The following DNAH8 variants were observed in gnomAD, a reference collection of about 807,000 sequenced individuals.
DNAH8 encodes the protein axonemal beta dynein heavy chain 8.
DNAH8 carries 382 observed loss-of-function variants against 562.1 expected under a neutral mutation model. The observed-to-expected ratio is 0.68, with a 90% CI of 0.63 to 0.74. DNAH8 has a LOEUF of 0.74. Ranked by LOEUF, DNAH8 falls within the 30% of genes least tolerant of loss-of-function variation. The pLI, the probability that DNAH8 is intolerant of heterozygous loss-of-function variation, is 0.00. For synonymous variants in DNAH8, 1,881 were observed against 1,919.4 expected (o/e 0.98, Z 0.52); for missense variants, 5,203 against 5,620.4 (o/e 0.93, Z 2.37).
chr6:39,009,088 T>G (rs752779390), intron 89 of DNAH8, 118 bp downstream of exon 89: 105 of 670,732 alleles, frequency 1.6e-4, no homozygotes, highest in Non-Finnish European at 2.4e-4. Context: ...AGATTACCTG[T>G]GTGAAAAATT....
chr6:38,813,336 C>T (rs1176371762), intron 24 of DNAH8, among the ~76,000 whole-genome samples: 1 of 152,104 alleles, frequency 6.6e-6, no homozygotes, highest in East Asian at 1.9e-4. Flanking sequence ...GAACCATTGG[C>T]CCTGAGTGCT....
intron 70 of DNAH8, among the ~76,000 whole-genome samples, chr6:38,920,734 C>A (rs1050299503): frequency 6.6e-6 from 1 of 151,944 alleles, no homozygotes; most frequent in Non-Finnish European, 1.5e-5. Flanking sequence ...GGACTTGGGA[C>A]CTTCATAAAA....
chr6:38,865,531 A>G (rs1440647145), intron 45 of DNAH8, among the ~76,000 whole-genome samples: 1 of 152,182 alleles, frequency 6.6e-6, no homozygotes, highest in Admixed American at 6.5e-5. Flanking sequence ...TTATGGTTCT[A>G]CTCCATCATG....
In DNAH8 at chr6:38,826,145, GTCT is replaced by G; in HGVS notation, c.3848-8_3848-6del. 2 of 1,553,318 alleles carry G rather than the reference GTCT, an allele frequency of 1.3e-6. No homozygotes were observed. Among genetic ancestry groups the G allele is most frequent in the South Asian group, 2.4e-5 (2 of 83,770 alleles). On this transcript the variant is annotated splice_polypyrimidine_tract_variant and splice_region_variant and intron_variant, in intron 28 of 92. Transcript: ENST00000327475. ...TTATATTCTAATTTAATTTCTTCTTGTCTTCATCAGAGCCGATGAAATTGGCCT... is the reference window on the plus strand; with the variant it reads ...TTATATTCTAATTTAATTTCTTCTTGTCATCAGAGCCGATGAAATTGGCCT...
chr6:38,926,705 A>C (rs1034828792), intron 74 of DNAH8, among the ~76,000 whole-genome samples: 1 of 152,154 alleles, frequency 6.6e-6, no homozygotes, highest in South Asian at 2.1e-4. Context: ...TTTTAATTCA[A>C]CTACCAATGT....
chr6:38,838,408 T>TACTCCATTTGTGGTAAAATGCTC (rs1256194305), intron 33 of DNAH8, among the ~76,000 whole-genome samples: 1 of 117,850 alleles, frequency 8.5e-6, no homozygotes, highest in African/African-American at 2.8e-5. Context: ...CTTGCCTTCT[T>TACTCCATTTGTGGTAAAATGCTC]TTTTTTTTGA....
chr6:38,853,308 A>T lies in DNAH8; in HGVS notation c.5694A>T (p.Gly1898=). The change falls in exon 41 of 93, where the codon GGA becomes GGT. Residue 1898 remains glycine, a synonymous_variant. Transcript: ENST00000327475. ...CTTTCTATCAAATCAGTGATTCAGGATTTCAACTCTTACCATTCCTCAGCC... is the reference window on the plus strand; with the variant it reads ...CTTTCTATCAAATCAGTGATTCAGGTTTTCAACTCTTACCATTCCTCAGCC... ...RSAFYQISDS[G]FQLLPFLSHF... 1.2e-6 allele frequency: 2 copies of T among 1,613,524 alleles called. No individual in the cohort carries two copies. The highest frequency in any genetic ancestry group is 1.7e-6 in the Non-Finnish European group (2 of 1,179,814).
intron 26 of DNAH8, chr6:38,822,501 C>T (rs552512384): frequency 4.4e-5 from 8 of 179,818 alleles, no homozygotes; most frequent in African/African-American, 7.1e-5. Context: ...TGAACCACTG[C>T]GCTATTCCTC....
rs569071768 is a variant in DNAH8, at chr6:38,906,875, T to C, written c.9348+468T>C. Among the ~76,000 whole-genome samples the C allele has an allele frequency of 1.4e-3, 219 of 152,272 alleles. 2 individuals are homozygous for C. Among genetic ancestry groups the C allele is most frequent in the African/African-American group, 4.8e-3 (200 of 41,564 alleles). On this transcript the variant is annotated intron_variant, in intron 63 of 92. Transcript: ENST00000327475. ...GTCGAGCTTCTCAAATCCAAAACTC[T>C]GGAATCCAAAATGCTCCAAAATCTG... is the stretch of plus-strand genomic sequence containing the variant.
At chr6:38,725,639 T>G (rs1160256521) in intron 3 of DNAH8, among the ~76,000 whole-genome samples, 2 of 152,160 alleles carry the variant, frequency 1.3e-5, no homozygotes, top group African/African-American at 2.4e-5. Context: ...GTTTCCCAGG[T>G]CACCAAAGTT....
chr6:38,907,266 G>A (rs1780549410), intron 63 of DNAH8, among the ~76,000 whole-genome samples: 1 of 152,196 alleles, frequency 6.6e-6, no homozygotes, highest in Non-Finnish European at 1.5e-5. Context: ...CCAGTATGAA[G>A]GGCAGTAACA....
At position 38,902,154 on chromosome 6, in the gene DNAH8, T is replaced by C. The variant is rs186322901; in HGVS notation, c.9194+2248T>C. 2.1e-4 allele frequency among the ~76,000 whole-genome samples: 32 copies of C among 152,328 alleles called. No individual in the cohort carries two copies. The East Asian group carries it at 5.2e-3, about 25-fold the overall frequency. On this transcript the variant is annotated intron_variant, in intron 62 of 92. Transcript: ENST00000327475. ...CTTAAATTAAGGCAAATTTATTCAC[T>C]ATATTTTCTTAATTTCTGTATTCTT...
chr6:39,007,560 C>T (rs536735649), intron 88 of DNAH8, among the ~76,000 whole-genome samples: 2 of 152,170 alleles, frequency 1.3e-5, no homozygotes, highest in African/African-American at 4.8e-5. Context: ...CCATGTCACA[C>T]CTGGCTAGGG....
chr6:38,823,890 T>C (rs1393687435), intron 28 of DNAH8, among the ~76,000 whole-genome samples: 1 of 152,110 alleles, frequency 6.6e-6, no homozygotes, highest in Admixed American at 6.5e-5. Context: ...TGGCAAAAAC[T>C]GCAATTACTT....
chr6:38,864,653 T>G (rs76214473), intron 45 of DNAH8, among the ~76,000 whole-genome samples: 1 of 151,912 alleles, frequency 6.6e-6, no homozygotes, highest in Non-Finnish European at 1.5e-5. Flanking sequence ...TCCTAAGACA[T>G]TGGCTAAAGC....
chr6:38,955,323 A>G (rs1762172404), intron 82 of DNAH8, among the ~76,000 whole-genome samples: 1 of 152,010 alleles, frequency 6.6e-6, no homozygotes, highest in Non-Finnish European at 1.5e-5. Flanking sequence ...CGACCCAGAT[A>G]GTAACTGCAT....
rs1008275320 is a variant in DNAH8 at position 38,737,116 on chromosome 6, T to C, written c.812T>C (p.Ile271Thr). The C allele has an allele frequency of 6.3e-7, 1 of 1,580,644 alleles. No homozygotes were observed. The highest frequency in any genetic ancestry group is 1.2e-5 in the South Asian group (1 of 84,328). Residue 271 changes from isoleucine (I) to threonine (T), a missense_variant, in exon 6 of 93, where the codon ATT (isoleucine) becomes ACT (threonine). By Grantham distance (89) the Ile-to-Thr change is moderately conservative. This residue lies in a region of DNAH8 where 556 missense variants were observed against 496.9 expected (regional missense o/e 1.12). Coordinates refer to ENST00000327475, the MANE Select transcript of DNAH8 (RefSeq NM_001206927.2). ...LDASKGLLNG[I>T]RDMLANIFLP... ...GCGTCGAAAGGACTCTTAAATGGAA[T>C]TAGGGATATGTTGGCAAATATATTT...
chr6:38,911,395 A>C, intron 65 of DNAH8, 73 bp from the exon 66 acceptor site: 1 of 1,087,040 alleles, frequency 9.2e-7, no homozygotes, highest in Non-Finnish European at 1.4e-6. Flanking sequence ...CACTGATTTC[A>C]CCTTGGGAAA....
At chr6:38,885,000 A>G (rs1391708987) in intron 56 of DNAH8, among the ~76,000 whole-genome samples, 4 of 152,086 alleles carry the variant, frequency 2.6e-5, no homozygotes, top group African/African-American at 7.2e-5. Flanking sequence ...CTTTATCCCT[A>G]TTCGCCTCAG....
Sources: gnomAD v4.1 joint callset for allele counts (sites outside exome capture counted in the v4.1 genomes callset) on GRCh38, gnomAD v4.1.1 for gene constraint, gnomAD v4.1.1 regional missense constraint, MANE v1.5 for transcripts, NCBI Gene and HGNC (gene_info 2026-07-23, HGNC 2026-07-21) for gene names.